Variants in SERPINI1 observed in about 807,000 individuals in gnomAD.
SERPINI1 encodes neuroserpin.
A neutral mutation model predicts 41.1 loss-of-function variants in SERPINI1; 19 were observed. The ratio of observed to expected loss-of-function variants is 0.46; its 90% CI spans 0.32 to 0.68. The LOEUF is 0.68. Ranked by LOEUF, SERPINI1 falls within the 30% of genes least tolerant of loss-of-function variation. SERPINI1 has a pLI of 0.03. For missense variants in SERPINI1, 460 were observed against 479.2 expected (o/e 0.96, Z 0.37); for synonymous variants, 138 against 156.6 (o/e 0.88, Z 0.89).
chr3:167,758,454 A>G (rs1009148163), intron 1 of SERPINI1, among the ~76,000 whole-genome samples: 1 of 152,250 alleles, frequency 6.6e-6, no homozygotes, highest in Non-Finnish European at 1.5e-5. Flanking sequence ...TATTTCTTAT[A>G]GTAGAATTCC....
intron 1 of SERPINI1, among the ~76,000 whole-genome samples, chr3:167,749,832 TGA>T (rs1353695187): frequency 2.6e-5 from 4 of 152,072 alleles, no homozygotes; most frequent in African/African-American, 7.2e-5. Context: ...AAACAAAAGA[TGA>T]GAGGGGAAAA....
chr3:167,760,400 TGCTGTTCTG>T (rs1403776087), intron 1 of SERPINI1, among the ~76,000 whole-genome samples: 1 of 151,858 alleles, frequency 6.6e-6, no homozygotes. Context: ...TGAGATCATA[TGCTGTTCTG>T]GCACCAGGGC....
Position 167,796,769 on chromosome 3 carries a change from T to G in SERPINI1, c.881+1945T>G, listed in dbSNP as rs184218221. Among the ~76,000 whole-genome samples, 9 of 152,200 alleles carry G rather than the reference T, an allele frequency of 5.9e-5. No homozygotes were observed. The East Asian group carries it at 1.7e-3, about 29-fold the overall frequency. On this transcript the variant is annotated intron_variant, in intron 5 of 8. Transcript: ENST00000446050. ...TTATCTGGTCTGTCCTTGATGGGCA[T>G]GGCATTTTGGGTTGATTCCATGTCT...
At chr3:167,753,678 A>T (rs1317481709) in intron 1 of SERPINI1, among the ~76,000 whole-genome samples, 1 of 152,148 alleles carries the variant, frequency 6.6e-6, no homozygotes, top group African/African-American at 2.4e-5. Flanking sequence ...GCTATTTTTC[A>T]TGAAGAATAT....
intron 5 of SERPINI1, among the ~76,000 whole-genome samples, chr3:167,803,832 G>T (rs542807952): frequency 7.9e-4 from 120 of 152,198 alleles, no homozygotes; most frequent in African/African-American, 2.8e-3. Flanking sequence ...TATGACCTTG[G>T]TTATACAGGT....
chr3:167,820,205 T>C (rs1391254622), intron 6 of SERPINI1, among the ~76,000 whole-genome samples: 1 of 152,218 alleles, frequency 6.6e-6, no homozygotes, highest in Admixed American at 6.5e-5. Context: ...CATATTTACA[T>C]GATGGCAGTG....
intron 6 of SERPINI1, among the ~76,000 whole-genome samples, chr3:167,813,805 C>A (rs1024941063): frequency 1.3e-5 from 2 of 152,050 alleles, no homozygotes; most frequent in Non-Finnish European, 2.9e-5. Context: ...GGGTAGATAC[C>A]GAGTGGGTGA....
chr3:167,741,737 C>T (rs776078696), intron 1 of SERPINI1, among the ~76,000 whole-genome samples: 5 of 152,134 alleles, frequency 3.3e-5, no homozygotes, highest in Non-Finnish European at 5.9e-5. Flanking sequence ...TTCAACCTTC[C>T]AGTTAAGAAA....
chr3:167,799,108 A>T (rs1465688890), intron 5 of SERPINI1, among the ~76,000 whole-genome samples: 2 of 152,166 alleles, frequency 1.3e-5, no homozygotes. Flanking sequence ...TTTGTTACAT[A>T]GGTATACACG....
At chr3:167,771,937 G>A (rs1726769054) in intron 1 of SERPINI1, among the ~76,000 whole-genome samples, 1 of 152,234 alleles carries the variant, frequency 6.6e-6, no homozygotes, top group Non-Finnish European at 1.5e-5. Flanking sequence ...AAGTGAACCT[G>A]ATGACCTCTA....
chr3:167,814,423 A>C (rs541235828), intron 6 of SERPINI1, among the ~76,000 whole-genome samples: 1 of 152,234 alleles, frequency 6.6e-6, no homozygotes, highest in Non-Finnish European at 1.5e-5. Flanking sequence ...TATAAATTTC[A>C]TGGGTGGGGC....
intron 1 of SERPINI1, among the ~76,000 whole-genome samples, chr3:167,760,067 CTCA>C (rs1726329870): frequency 6.6e-6 from 1 of 152,114 alleles, no homozygotes; most frequent in Admixed American, 6.6e-5. Flanking sequence ...TATCCTGTTT[CTCA>C]TCATACCTTT....
chr3:167,782,738 TTAATTGAAGAACCAAGC>T (rs1170962240), intron 1 of SERPINI1, among the ~76,000 whole-genome samples: 1 of 152,178 alleles, frequency 6.6e-6, no homozygotes, highest in Non-Finnish European at 1.5e-5. Flanking sequence ...AGTTGCTGTT[TTAATTGAAGAACCAAGC>T]GGGTATTCAT....
intron 1 of SERPINI1, among the ~76,000 whole-genome samples, chr3:167,769,604 C>T (rs1328518797): frequency 6.6e-6 from 1 of 152,138 alleles, no homozygotes; most frequent in East Asian, 1.9e-4. Flanking sequence ...AGATTATAGA[C>T]ATATTCTACA....
intron 1 of SERPINI1, among the ~76,000 whole-genome samples, chr3:167,739,825 T>A (rs1429904767): frequency 6.6e-6 from 1 of 152,202 alleles, no homozygotes; most frequent in Admixed American, 6.5e-5. Context: ...TTAATCTGAT[T>A]GGTGTTAGAA....
intron 6 of SERPINI1, among the ~76,000 whole-genome samples, chr3:167,808,326 A>G (rs989353236): frequency 5.9e-5 from 9 of 151,658 alleles, no homozygotes; most frequent in African/African-American, 2.2e-4. Context: ...ATGTTAAAGC[A>G]TTTATAATTT....
At chr3:167,800,042 TTAACAG>T (rs1271569140) in intron 5 of SERPINI1, 2 of 152,180 alleles carry the variant, frequency 1.3e-5, no homozygotes, top group African/African-American at 4.8e-5. Flanking sequence ...TTTTTTCCTC[TTAACAG>T]TAAGTTCTAC....
chr3:167,772,882 A>C (rs1156235172), intron 1 of SERPINI1, among the ~76,000 whole-genome samples: 2 of 68,454 alleles, frequency 2.9e-5, no homozygotes, highest in African/African-American at 1.4e-4. Flanking sequence ...ATATATATAT[A>C]TATATATATA....
At chr3:167,763,885 A>G (rs1264467511) in intron 1 of SERPINI1, among the ~76,000 whole-genome samples, 1 of 152,188 alleles carries the variant, frequency 6.6e-6, no homozygotes, top group Non-Finnish European at 1.5e-5. Context: ...TTATGAAAAC[A>G]CTTTAAAGTC....
Sources: allele counts gnomAD v4.1 joint callset (sites outside exome capture counted in the v4.1 genomes callset), GRCh38; gene constraint gnomAD v4.1.1; transcripts MANE v1.5; gene names NCBI Gene and HGNC (gene_info 2026-07-23, HGNC 2026-07-21).